EDIL3: variants seen among roughly 807,000 people sequenced by gnomAD.
EDIL3 encodes EGF-like repeat and discoidin I-like domain-containing protein 3.
A neutral mutation model predicts 67.4 loss-of-function variants in EDIL3; 37 were observed. The ratio of observed to expected loss-of-function variants is 0.55; its 90% confidence interval spans 0.42 to 0.72. EDIL3 has a LOEUF of 0.72. Among genes scored for constraint, EDIL3 ranks in the 30% least tolerant of loss-of-function variants. EDIL3 has a pLI of 0.00. For missense variants in EDIL3, 527 were observed against 586.3 expected, an observed-to-expected ratio of 0.90 and a Z score of 1.04; for synonymous variants, 195 against 196.3, an observed-to-expected ratio of 0.99 and a Z score of 0.05.
chr5:84,370,888 A>C (rs1747828778), intron 1 of EDIL3, among the ~76,000 whole-genome samples: 1 of 152,130 alleles, frequency 6.6e-6, no homozygotes, highest in Non-Finnish European at 1.5e-5. Context: ...AACGATAAAA[A>C]GATGTATATA....
intron 9 of EDIL3, among the ~76,000 whole-genome samples, chr5:84,008,718 G>A (rs1449370714): frequency 6.6e-6 from 1 of 152,138 alleles, no homozygotes; most frequent in Non-Finnish European, 1.5e-5. Context: ...TGAGTAGGAG[G>A]TGGGAGGAAG....
intron 10 of EDIL3, among the ~76,000 whole-genome samples, chr5:83,959,150 G>A (rs1744563859): frequency 6.7e-6 from 1 of 149,560 alleles, no homozygotes. Context: ...GTGTACACAT[G>A]TATATTTATT....
intron 9 of EDIL3, among the ~76,000 whole-genome samples, chr5:84,024,630 C>A (rs1745779639): frequency 6.6e-6 from 1 of 152,074 alleles, no homozygotes; most frequent in South Asian, 2.1e-4. Flanking sequence ...CCAGGAGTTT[C>A]TATCATGAAT....
chr5:83,943,789 T>C (rs1333682004), intron 10 of EDIL3, among the ~76,000 whole-genome samples: 4 of 152,042 alleles, frequency 2.6e-5, no homozygotes, highest in Non-Finnish European at 5.9e-5. Context: ...ATGCAGACAT[T>C]CATAGGTCTA....
chr5:84,152,663 A>G (rs1001748551), intron 4 of EDIL3, among the ~76,000 whole-genome samples: 1 of 152,066 alleles, frequency 6.6e-6, no homozygotes, highest in Non-Finnish European at 1.5e-5. Context: ...ATTTGAGTTT[A>G]TGCAGCATCT....
intron 5 of EDIL3, among the ~76,000 whole-genome samples, chr5:84,120,689 A>C (rs1747760389): frequency 6.6e-6 from 1 of 152,028 alleles, no homozygotes; most frequent in Admixed American, 6.6e-5. Flanking sequence ...TGACTGGAAG[A>C]CAGCATTTTG....
At position 84,128,462 on chromosome 5, in the gene EDIL3, T is replaced by C. The variant is rs966126831; in HGVS notation, c.469+8779A>G. On this transcript the variant is annotated intron_variant, in intron 5 of 10. Transcript: ENST00000296591. ...AGTACCCAAGAACGCCACATTAACATGTAGAAGATACTGTCTGGCCCACAA... is the reference window on the plus strand; with the variant it reads ...AGTACCCAAGAACGCCACATTAACACGTAGAAGATACTGTCTGGCCCACAA... Among the ~76,000 whole-genome samples, 8 of 140,214 alleles carry C rather than the reference T, an allele frequency of 5.7e-5. No homozygotes were observed. The South Asian group carries it at 7.1e-4, about 12-fold the overall frequency. The allele number at this position is 140,214 out of a possible 152,430, so 92.0% of individuals were successfully genotyped here.
chr5:84,151,712 T>C (rs1044399915), intron 4 of EDIL3, among the ~76,000 whole-genome samples: 1 of 152,168 alleles, frequency 6.6e-6, no homozygotes, highest in African/African-American at 2.4e-5. Flanking sequence ...CTATCAGAAA[T>C]CTGAAGCATA....
At chr5:84,381,836 G>T (rs1485892969) in intron 1 of EDIL3, among the ~76,000 whole-genome samples, 4 of 152,140 alleles carry the variant, frequency 2.6e-5, no homozygotes, top group African/African-American at 9.7e-5. Context: ...TGATCCATTG[G>T]TTTAATTTTA....
chr5:84,187,061 A>G (rs1667463253), intron 3 of EDIL3, among the ~76,000 whole-genome samples: 1 of 152,122 alleles, frequency 6.6e-6, no homozygotes, highest in Non-Finnish European at 1.5e-5. Flanking sequence ...CTTTCAAGAT[A>G]CAAGAGGCTT....
chr5:84,095,108 A>G (rs1327337879), intron 6 of EDIL3, among the ~76,000 whole-genome samples: 1 of 152,152 alleles, frequency 6.6e-6, no homozygotes, highest in Non-Finnish European at 1.5e-5. Flanking sequence ...TTATTTATTT[A>G]TATTTTTACT....
At chr5:84,134,917 T>G (rs997368060) in intron 5 of EDIL3, among the ~76,000 whole-genome samples, 2 of 152,174 alleles carry the variant, frequency 1.3e-5, no homozygotes, top group African/African-American at 4.8e-5. Context: ...TAAATATAAA[T>G]GTTGTATCAA....
intron 9 of EDIL3, among the ~76,000 whole-genome samples, chr5:83,992,999 G>T (rs949596135): frequency 1.7e-4 from 26 of 151,958 alleles, no homozygotes; most frequent in African/African-American, 6.0e-4. Context: ...AAGTACCTGC[G>T]GAAGTACAAG....
chr5:84,188,060 C>A (rs1163689620), intron 3 of EDIL3, among the ~76,000 whole-genome samples: 2 of 151,570 alleles, frequency 1.3e-5, no homozygotes, highest in Non-Finnish European at 2.9e-5. Context: ...AAAATGGAAA[C>A]CTGAAGATAG....
At chr5:83,961,736 G>A (rs1391327123) in intron 10 of EDIL3, among the ~76,000 whole-genome samples, 1 of 151,254 alleles carries the variant, frequency 6.6e-6, no homozygotes, top group Non-Finnish European at 1.5e-5. Context: ...TAAAAGACAG[G>A]AAGTGAAATA....
At chr5:84,321,224 T>G (rs1746642085) in intron 1 of EDIL3, among the ~76,000 whole-genome samples, 1 of 152,180 alleles carries the variant, frequency 6.6e-6, no homozygotes, top group South Asian at 2.1e-4. Context: ...TCTGTTGGTG[T>G]TGAATTATCT....
chr5:84,334,932 ATTTTG>A, intron 1 of EDIL3, among the ~76,000 whole-genome samples: 1 of 152,056 alleles, frequency 6.6e-6, no homozygotes, highest in South Asian at 2.1e-4. Flanking sequence ...TTCTTATTCC[ATTTTG>A]TTAGTAATTA....
intron 5 of EDIL3, among the ~76,000 whole-genome samples, chr5:84,134,849 T>A (rs1036033712): frequency 1.3e-4 from 20 of 152,286 alleles, no homozygotes; most frequent in Middle Eastern, 3.4e-3. Context: ...CCAGATCATA[T>A]GACAGTTGAA....
intron 5 of EDIL3, among the ~76,000 whole-genome samples, chr5:84,110,116 C>T (rs1400715277): frequency 1.3e-5 from 2 of 152,106 alleles, no homozygotes; most frequent in Non-Finnish European, 2.9e-5. Context: ...GTGGCTTGTA[C>T]ACAGGAAAAG....
Sources: allele counts gnomAD v4.1 joint callset (sites outside exome capture counted in the v4.1 genomes callset), GRCh38; gene constraint gnomAD v4.1.1; transcripts MANE v1.5; gene names NCBI Gene and HGNC (gene_info 2026-07-23, HGNC 2026-07-21).